Variants in PARP16 observed in about 807,000 individuals in gnomAD.
PARP16 encodes the protein protein mono-ADP-ribosyltransferase PARP16.
In PARP16, 31 loss-of-function variants were observed where a neutral mutation model predicts 35.0. The observed-to-expected ratio is 0.88, with a 90% CI of 0.66 to 1.19. PARP16 has a LOEUF of 1.19. PARP16 is among the 50% of genes most tolerant of loss of function. The probability of loss-of-function intolerance (pLI) is 0.00; values close to 1 mark genes in which losing one functional copy is unlikely to be tolerated. For missense variants in PARP16, 424 were observed against 411.2 expected (o/e 1.03, Z -0.27); for synonymous variants, 162 against 169.5 (o/e 0.96, Z 0.34).
intron 3 of PARP16, among the ~76,000 whole-genome samples, chr15:65,244,041 C>T (rs935879538): frequency 6.6e-6 from 1 of 152,186 alleles, no homozygotes; most frequent in Non-Finnish European, 1.5e-5. Flanking sequence ...CAAGAGTATG[C>T]CAAGCTCTTC....
intron 1 of PARP16, among the ~76,000 whole-genome samples, chr15:65,281,534 T>C (rs2090422022): frequency 6.6e-6 from 1 of 151,786 alleles, no homozygotes; most frequent in Admixed American, 6.6e-5. Context: ...CTACTAAAAA[T>C]ACAAAAATTA....
chr15:65,286,370 G>A lies in PARP16; in HGVS notation c.57C>T (p.Ala19=), dbSNP rs752988998. 77 of 1,575,430 alleles carry A rather than the reference G, an allele frequency of 4.9e-5. 1 individual carries two copies. Among genetic ancestry groups the A allele is most frequent in the South Asian group, 6.9e-5 (6 of 86,626 alleles). The change falls in exon 1 of 6, where the codon GCC becomes GCT. Residue 19 remains alanine, a synonymous_variant. Transcript: ENST00000649807. ...CGAAGAGGCTGCACCGGAGGTCGGC[G>A]GCCAGCATGTCGCGGCCCGCCGCCT... is the stretch of plus-strand genomic sequence containing the variant. The part of the protein sequence containing the change: ...AREAAGRDML[A]ADLRCSLFAS...
chr15:65,286,432 G>A lies in PARP16; in HGVS notation c.-6C>T. ...GCCCAGCCTGAGGGCTGCATCCCAGGTCACTGCGCGTTGCCGGGGTAGACG... is the reference window on the plus strand; with the variant it reads ...GCCCAGCCTGAGGGCTGCATCCCAGATCACTGCGCGTTGCCGGGGTAGACG... On this transcript the variant is annotated 5_prime_UTR_variant, in exon 1 of 6. Transcript: ENST00000649807. 6.7e-7 allele frequency: 1 copy of A among 1,481,690 alleles called. No homozygotes were observed. The highest frequency in any genetic ancestry group is 2.6e-5 in the East Asian group (1 of 38,050). 91.8% of individuals were successfully genotyped at this position (1,481,690 alleles called of 1,614,324 possible).
At chr15:65,246,687 T>TC (rs1177971069) in intron 3 of PARP16, among the ~76,000 whole-genome samples, 2 of 152,106 alleles carry the variant, frequency 1.3e-5, no homozygotes, top group African/African-American at 4.8e-5. Context: ...TACTTATCTG[T>TC]ACACAAGACT....
Position 65,259,540 on chromosome 15 carries a change from GC to G in PARP16, c.835del (p.Ala279LeufsTer16). 3 of 1,614,108 alleles carry G rather than the reference GC, an allele frequency of 1.9e-6. No individual in the cohort carries two copies. The highest frequency in any genetic ancestry group is 2.5e-6 in the Non-Finnish European group (3 of 1,179,926). ...GGAAAACCAGGAGAGCTGGCTCGAA[GC>G]CCTGCTTAAGAGGGAAAAAAGAGTG... Reference protein sequence around the residue: ...LVYSQKPPKRASSQLSWFSSH... With the variant: ...LVYSQKPPKRXSSQLSWFSSH... On this transcript the variant is annotated frameshift_variant and splice_region_variant, in exon 6 of 6. Coordinates refer to ENST00000649807, the MANE Select transcript of PARP16 (RefSeq NM_001316943.2). LOFTEE classifies it high-confidence loss of function.
chr15:65,278,532 G>A (rs1268666200), intron 1 of PARP16, among the ~76,000 whole-genome samples: 1 of 152,222 alleles, frequency 6.6e-6, no homozygotes, highest in East Asian at 1.9e-4. Flanking sequence ...AGGTACTTTG[G>A]GTGAATAGGC....
At chr15:65,285,953 C>A (rs1479702163) in intron 1 of PARP16, among the ~76,000 whole-genome samples, 1 of 152,194 alleles carries the variant, frequency 6.6e-6, no homozygotes, top group Non-Finnish European at 1.5e-5. Context: ...CTATTCCTGG[C>A]CAGGCTAGAA....
downstream of PARP16, among the ~76,000 whole-genome samples, chr15:65,257,499 T>C (rs1294862912): frequency 6.7e-6 from 1 of 148,986 alleles, no homozygotes; most frequent in African/African-American, 2.5e-5. Context: ...GGCATGGTGG[T>C]GTGTGCCTGT....
chr15:65,260,906 T>C lies in PARP16; in HGVS notation c.812A>G (p.Tyr271Cys). 2 of 1,613,998 alleles carry C rather than the reference T, an allele frequency of 1.2e-6. No individual in the cohort carries two copies. Among genetic ancestry groups the C allele is most frequent in the Non-Finnish European group, 1.7e-6 (2 of 1,179,914 alleles). The change falls in exon 5 of 6, where the codon TAT (tyrosine) becomes TGT (cysteine). Residue 271 changes from tyrosine to cysteine, a missense_variant. Transcript: ENST00000649807. ...QLLRVKYLLV[Y>C]SQKPPKRASS... The stretch of plus-strand genomic sequence containing the variant: ...TTACCTCTTGGGTGGCTTCTGTGAA[T>C]ACACCAGGAGGTACTTCACTCGCAG...
At chr15:65,275,721 CAG>C (rs2090233454) in intron 1 of PARP16, among the ~76,000 whole-genome samples, 1 of 152,144 alleles carries the variant, frequency 6.6e-6, no homozygotes, top group Admixed American at 6.5e-5. Flanking sequence ...GTAGGTTATA[CAG>C]AGTCACTGAA....
chr15:65,234,162 T>G (rs755116), downstream of PARP16, among the ~76,000 whole-genome samples: 35,191 of 152,084 alleles, frequency 0.23, 4,703 homozygotes, highest in Admixed American at 0.31. Context: ...AAACTATCCA[T>G]GGGCCCAAGA....
chr15:65,242,714 AT>A (rs1205200409), intron 3 of PARP16, among the ~76,000 whole-genome samples: 24 of 151,842 alleles, frequency 1.6e-4, no homozygotes, highest in African/African-American at 5.6e-4. Flanking sequence ...CATTTTATTT[AT>A]TTATTTATTT....
intron 3 of PARP16, among the ~76,000 whole-genome samples, chr15:65,265,283 T>C (rs915983226): frequency 1.3e-5 from 2 of 152,208 alleles, no homozygotes; most frequent in Admixed American, 6.5e-5. Flanking sequence ...ACCTCTTCCT[T>C]GGTACTTAGT....
At chr15:65,255,170 T>C (rs1370841422), downstream of PARP16, among the ~76,000 whole-genome samples, 3 of 152,126 alleles carry the variant, frequency 2.0e-5, no homozygotes, top group Admixed American at 2.0e-4. Flanking sequence ...CTAAATAGAA[T>C]GTTAAGTCTC....
intron 1 of PARP16, among the ~76,000 whole-genome samples, chr15:65,278,422 G>T (rs143090908): frequency 7.5e-4 from 115 of 152,354 alleles, no homozygotes; most frequent in African/African-American, 2.6e-3. Flanking sequence ...CTGCTGTGGG[G>T]ACTAAGGAAG....
At chr15:65,233,476 T>C (rs1231352519), downstream of PARP16, among the ~76,000 whole-genome samples, 1 of 151,914 alleles carries the variant, frequency 6.6e-6, no homozygotes, top group Non-Finnish European at 1.5e-5. Flanking sequence ...CGGTGGCTCA[T>C]GCCTGTAATC....
chr15:65,266,042 C>T (rs1156230005), intron 3 of PARP16, among the ~76,000 whole-genome samples: 2 of 152,160 alleles, frequency 1.3e-5, no homozygotes. Context: ...AATTCTCCTG[C>T]CTCAGCCTCC....
downstream of PARP16, among the ~76,000 whole-genome samples, chr15:65,232,584 T>TG (rs942752115): frequency 3.9e-5 from 6 of 152,040 alleles, no homozygotes; most frequent in Admixed American, 3.3e-4. Context: ...CCATGAAAAT[T>TG]CAAGTTCAAG....
intron 1 of PARP16, among the ~76,000 whole-genome samples, chr15:65,272,193 A>C (rs2140921713): frequency 6.6e-6 from 1 of 152,350 alleles, no homozygotes; most frequent in Admixed American, 6.5e-5. Context: ...ACAGAAACAC[A>C]GTGCCTAATG....
Sources: gnomAD v4.1 joint callset for allele counts (sites outside exome capture counted in the v4.1 genomes callset) on GRCh38, gnomAD v4.1.1 for gene constraint, MANE v1.5 for transcripts, NCBI Gene and HGNC (gene_info 2026-07-23, HGNC 2026-07-21) for gene names.